Variants in LRMDA observed in about 807,000 individuals in gnomAD.
LRMDA encodes the protein leucine-rich melanocyte differentiation-associated protein.
LRMDA carries 18 observed loss-of-function variants against 29.8 expected under a neutral mutation model. The ratio of observed to expected loss-of-function variants is 0.60; its 90% CI spans 0.42 to 0.90. The LOEUF is 0.90. LRMDA is among the 40% of genes least tolerant of loss of function. The pLI is 0.00. For missense variants in LRMDA, 273 were observed against 273.9 expected (o/e 1.00, Z 0.02); for synonymous variants, 125 against 109.4 (o/e 1.14, Z -0.89).
chr10:76,099,030 A>G (rs1047049328), intron 5 of LRMDA, among the ~76,000 whole-genome samples: 2 of 152,186 alleles, frequency 1.3e-5, no homozygotes, highest in African/African-American at 4.8e-5. Flanking sequence ...CATTGATCTT[A>G]GGTTTTACGA....
chr10:75,650,830 G>A (rs889113334), intron 2 of LRMDA, among the ~76,000 whole-genome samples: 1 of 152,110 alleles, frequency 6.6e-6, no homozygotes, highest in African/African-American at 2.4e-5. Flanking sequence ...TAAACTGGAG[G>A]TCAGCACCGG....
At chr10:76,221,285 G>A (rs1851829593) in intron 5 of LRMDA, among the ~76,000 whole-genome samples, 2 of 152,212 alleles carry the variant, frequency 1.3e-5, no homozygotes, top group South Asian at 4.1e-4. Context: ...CATTAGGCAG[G>A]AGAAGGAAAT....
At chr10:75,602,707 C>T (rs986428787) in intron 2 of LRMDA, among the ~76,000 whole-genome samples, 2 of 152,042 alleles carry the variant, frequency 1.3e-5, no homozygotes, top group African/African-American at 4.8e-5. Context: ...GACATAGATG[C>T]ACAAAGTAAT....
intron 5 of LRMDA, among the ~76,000 whole-genome samples, chr10:76,303,434 G>C (rs973056717): frequency 6.6e-6 from 1 of 152,114 alleles, no homozygotes; most frequent in Admixed American, 6.6e-5. Flanking sequence ...CACTTCTGTG[G>C]AAGTCCAACC....
At chr10:75,776,886 G>A (rs1843319106) in intron 2 of LRMDA, among the ~76,000 whole-genome samples, 1 of 152,324 alleles carries the variant, frequency 6.6e-6, no homozygotes, top group Middle Eastern at 3.4e-3. Flanking sequence ...CCTGCTCTTT[G>A]TTGTAGATCC....
At chr10:76,113,072 A>C (rs997175295) in intron 5 of LRMDA, among the ~76,000 whole-genome samples, 1 of 152,134 alleles carries the variant, frequency 6.6e-6, no homozygotes. Context: ...TGTTAGTCCG[A>C]GCATGGGCAG....
chr10:76,297,242 C>G (rs778173230), intron 5 of LRMDA, among the ~76,000 whole-genome samples: 1 of 152,306 alleles, frequency 6.6e-6, no homozygotes, highest in African/African-American at 2.4e-5. Flanking sequence ...AAATATTCCA[C>G]TCTTTGGAAA....
chr10:75,795,730 A>G (rs563918001), intron 2 of LRMDA, among the ~76,000 whole-genome samples: 10 of 152,310 alleles, frequency 6.6e-5, no homozygotes, highest in Admixed American at 3.3e-4. Context: ...GTTTCCATAT[A>G]AACTGAGGTC....
intron 2 of LRMDA, among the ~76,000 whole-genome samples, chr10:75,983,803 C>T (rs2132452083): frequency 6.6e-6 from 1 of 152,224 alleles, no homozygotes; most frequent in African/African-American, 2.4e-5. Flanking sequence ...TACAGGCATC[C>T]ACCACCATGC....
chr10:75,840,408 T>C (rs1422160372), intron 2 of LRMDA, among the ~76,000 whole-genome samples: 1 of 152,250 alleles, frequency 6.6e-6, no homozygotes, highest in Admixed American at 6.5e-5. Context: ...GAATGTTGAA[T>C]TGTGATCTAT....
intron 2 of LRMDA, among the ~76,000 whole-genome samples, chr10:75,802,971 TA>T (rs71024569): frequency 0.18 from 13,807 of 78,630 alleles, 778 homozygotes; most frequent in African/African-American, 0.23. Context: ...TATATATATA[TA>T]TTTTTTTTTT....
intron 5 of LRMDA, among the ~76,000 whole-genome samples, chr10:76,278,048 G>A (rs1840158108): frequency 6.6e-6 from 1 of 152,142 alleles, no homozygotes; most frequent in Non-Finnish European, 1.5e-5. Context: ...TCAGAAGAAG[G>A]AGAAGAGAAG....
At chr10:75,556,935 A>G (rs1303108799) in intron 2 of LRMDA, among the ~76,000 whole-genome samples, 1 of 152,046 alleles carries the variant, frequency 6.6e-6, no homozygotes, top group Non-Finnish European at 1.5e-5. Flanking sequence ...CAAAATTCTA[A>G]ACTAAAATTC....
chr10:76,532,283 A>G (rs974348632), intron 6 of LRMDA, among the ~76,000 whole-genome samples: 3 of 152,094 alleles, frequency 2.0e-5, no homozygotes, highest in African/African-American at 7.2e-5. Context: ...ACAAACCTCT[A>G]CTTTTAATCA....
At chr10:75,747,292 G>A (rs1230771060) in intron 2 of LRMDA, among the ~76,000 whole-genome samples, 3 of 152,190 alleles carry the variant, frequency 2.0e-5, no homozygotes, top group East Asian at 1.9e-4. Flanking sequence ...AAAAAAAGTC[G>A]AATATAATTC....
At chr10:75,724,969 G>T (rs1192322203) in intron 2 of LRMDA, among the ~76,000 whole-genome samples, 1 of 152,088 alleles carries the variant, frequency 6.6e-6, no homozygotes, top group African/African-American at 2.4e-5. Flanking sequence ...TTTCTCTAAA[G>T]AATGAAAAAG....
At chr10:75,729,489 CTT>C (rs1032661787) in intron 2 of LRMDA, among the ~76,000 whole-genome samples, 1 of 152,154 alleles carries the variant, frequency 6.6e-6, no homozygotes, top group African/African-American at 2.4e-5. Flanking sequence ...GATGGGAACT[CTT>C]TAAGCTAGTA....
chr10:76,490,395 G>A (rs11510981), intron 6 of LRMDA, among the ~76,000 whole-genome samples: 49,290 of 151,524 alleles, frequency 0.33, 8,413 homozygotes, highest in Non-Finnish European at 0.36. Flanking sequence ...AGCTATTATT[G>A]TATTAGGGTC....
intron 5 of LRMDA, among the ~76,000 whole-genome samples, chr10:76,087,096 C>A (rs983882494): frequency 1.3e-5 from 2 of 152,154 alleles, no homozygotes; most frequent in East Asian, 3.9e-4. Flanking sequence ...TGTAAATCAT[C>A]CCCAGCATTG....
Sources: allele counts gnomAD v4.1 joint callset (sites outside exome capture counted in the v4.1 genomes callset), GRCh38; gene constraint gnomAD v4.1.1; transcripts MANE v1.5; gene names NCBI Gene and HGNC (gene_info 2026-07-23, HGNC 2026-07-21).